SNX13: variants seen among roughly 807,000 people sequenced by gnomAD.
SNX13 encodes sorting nexin 13, also known as sorting nexin-13.
Under a neutral mutation model 133.6 loss-of-function variants are expected in SNX13, and 45 were observed. The observed-to-expected ratio is 0.34, with a 90% confidence interval of 0.27 to 0.43. The LOEUF is 0.43. Ranked by LOEUF, SNX13 falls within the 20% of genes least tolerant of loss-of-function variation. The pLI, the probability that SNX13 is intolerant of heterozygous loss-of-function variation, is 1.00. For synonymous variants in SNX13, 414 were observed against 373.9 expected, an observed-to-expected ratio of 1.11 and a Z score of -1.24; for missense variants, 1,032 against 1,145.1, an observed-to-expected ratio of 0.90 and a Z score of 1.43.
In SNX13 at chr7:17,792,191, T is replaced by C. The variant is rs981602692; in HGVS notation, c.*1854A>G. ...GCATATATGAAAATCACTGCACTTA[T>C]GGCCATGCTGATGCTTCCTACAGAC... On this transcript the variant is annotated 3_prime_UTR_variant, in exon 26 of 26. Transcript: ENST00000428135. 1 of 152,026 alleles carries C rather than the reference T, an allele frequency of 6.6e-6. No homozygotes were observed. The highest frequency in any genetic ancestry group is 1.5e-5 in the Non-Finnish European group (1 of 67,936). The allele number at this position is 152,026 out of a possible 1,614,324, so 9.4% of individuals were successfully genotyped here.
At chr7:17,867,597 C>T (rs1236440611) in intron 9 of SNX13, among the ~76,000 whole-genome samples, 1 of 151,046 alleles carries the variant, frequency 6.6e-6, no homozygotes, top group East Asian at 1.9e-4. Flanking sequence ...AGAGTGAGAT[C>T]CCATCTCAAA....
chr7:17,833,434 G>A (rs1788753342), intron 15 of SNX13, among the ~76,000 whole-genome samples: 1 of 151,604 alleles, frequency 6.6e-6, no homozygotes. Context: ...TAAGCAGTTG[G>A]ACAACTTCAC....
At chr7:17,914,849 T>G (rs1373357607) in intron 1 of SNX13, among the ~76,000 whole-genome samples, 2 of 152,146 alleles carry the variant, frequency 1.3e-5, no homozygotes. Flanking sequence ...AACAACACTA[T>G]GGCAGGAACA....
intron 1 of SNX13, among the ~76,000 whole-genome samples, chr7:17,906,656 AT>A (rs1339242229): frequency 6.6e-6 from 1 of 152,118 alleles, no homozygotes; most frequent in African/African-American, 2.4e-5. Flanking sequence ...CTTGTGACAC[AT>A]TTTTTAATTA....
intron 1 of SNX13, among the ~76,000 whole-genome samples, chr7:17,912,505 G>C (rs527657589): frequency 1.3e-5 from 2 of 152,092 alleles, no homozygotes; most frequent in South Asian, 4.2e-4. Context: ...CTGCCTCCCG[G>C]GTTCAAGTGA....
chr7:17,839,772 TA>T, intron 13 of SNX13, 34 bp downstream of exon 13: 1 of 1,523,520 alleles, frequency 6.6e-7, no homozygotes, highest in Non-Finnish European at 8.8e-7. Context: ...ATAATACTGC[TA>T]AAGAAGAAAA....
intron 1 of SNX13, among the ~76,000 whole-genome samples, chr7:17,935,948 A>G (rs1801971733): frequency 6.6e-6 from 1 of 152,214 alleles, no homozygotes; most frequent in South Asian, 2.1e-4. Context: ...ATATTTTACT[A>G]AGCACTTATG....
intron 8 of SNX13, among the ~76,000 whole-genome samples, chr7:17,868,852 G>A (rs1421279457): frequency 2.6e-5 from 4 of 151,854 alleles, no homozygotes; most frequent in Non-Finnish European, 5.9e-5. Context: ...GAAAAGAAAA[G>A]GGAAGGATAC....
At chr7:17,842,883 T>C (rs1790066735) in intron 12 of SNX13, among the ~76,000 whole-genome samples, 1 of 152,026 alleles carries the variant, frequency 6.6e-6, no homozygotes, top group Non-Finnish European at 1.5e-5. Flanking sequence ...GTGTTATAAA[T>C]TTAGGATGTT....
chr7:17,927,371 T>TA (rs1800882104), intron 1 of SNX13, among the ~76,000 whole-genome samples: 1 of 151,778 alleles, frequency 6.6e-6, no homozygotes, highest in Non-Finnish European at 1.5e-5. Context: ...GCCTCCTGAG[T>TA]AGCTAGGACT....
rs904683325 is a variant in SNX13 at position 17,791,233 on chromosome 7, A to C, written c.*2812T>G. On this transcript the variant is annotated 3_prime_UTR_variant, in exon 26 of 26. Coordinates refer to ENST00000428135, the MANE Select transcript of SNX13 (RefSeq NM_015132.5). The stretch of plus-strand genomic sequence containing the variant: ...TAAATGAAAATATTGCACAAAATTA[A>C]AATTTTAGATTGTGAAATTTATATC... The C allele has an allele frequency of 6.6e-6, 1 of 152,022 alleles. No individual in the cohort carries two copies. Among genetic ancestry groups the C allele is most frequent in the African/African-American group, 2.4e-5 (1 of 41,444 alleles). The allele number at this position is 152,022 out of a possible 1,614,324, so 9.4% of individuals were successfully genotyped here.
chr7:17,805,266 C>T (rs963958281), intron 20 of SNX13, among the ~76,000 whole-genome samples: 12 of 125,680 alleles, frequency 9.5e-5, no homozygotes, highest in African/African-American at 3.1e-4. Flanking sequence ...CGCGCGCGCG[C>T]ATGCATGCAC....
chr7:17,872,413 A>C (rs1304079990), intron 8 of SNX13, among the ~76,000 whole-genome samples: 1 of 152,216 alleles, frequency 6.6e-6, no homozygotes, highest in Non-Finnish European at 1.5e-5. Context: ...TATTATGCCA[A>C]ATGGATACTC....
intron 18 of SNX13, among the ~76,000 whole-genome samples, chr7:17,819,542 T>A (rs1787049001): frequency 6.6e-6 from 1 of 152,304 alleles, no homozygotes; most frequent in South Asian, 2.1e-4. Context: ...AAAAATGTTG[T>A]ATCACAAAAT....
At chr7:17,877,230 A>C (rs926442850) in intron 5 of SNX13, among the ~76,000 whole-genome samples, 1 of 152,070 alleles carries the variant, frequency 6.6e-6, no homozygotes, top group African/African-American at 2.4e-5. Flanking sequence ...CCCTAAGCTC[A>C]GTAATCCGAG....
chr7:17,901,205 C>A (rs1346805927), intron 1 of SNX13, among the ~76,000 whole-genome samples: 1 of 152,050 alleles, frequency 6.6e-6, no homozygotes, highest in Non-Finnish European at 1.5e-5. Context: ...AAAACAGAAT[C>A]CTCTTCACTT....
At chr7:17,889,036 G>C (rs1207161186) in intron 5 of SNX13, 1 of 172,882 alleles carries the variant, frequency 5.8e-6, no homozygotes, top group East Asian at 1.7e-4. Flanking sequence ...CCCTTTCAAA[G>C]AAAAAAAAAG....
chr7:17,938,533 G>A (rs1562556193), intron 1 of SNX13, among the ~76,000 whole-genome samples: 1 of 152,194 alleles, frequency 6.6e-6, no homozygotes, highest in Non-Finnish European at 1.5e-5. Flanking sequence ...CAACTGCCAA[G>A]GTTGGAATCC....
chr7:17,934,333 G>A (rs1300591798), intron 1 of SNX13, among the ~76,000 whole-genome samples: 1 of 152,142 alleles, frequency 6.6e-6, no homozygotes, highest in East Asian at 1.9e-4. Flanking sequence ...CATAATCTGA[G>A]AACCTCATTC....
Sources: allele counts gnomAD v4.1 joint callset (sites outside exome capture counted in the v4.1 genomes callset), GRCh38; gene constraint gnomAD v4.1.1; transcripts MANE v1.5; gene names NCBI Gene and HGNC (gene_info 2026-07-23, HGNC 2026-07-21).